The following SEMA4B variants were observed in gnomAD, a reference collection of about 807,000 sequenced individuals.
SEMA4B encodes semaphorin-4B.
A neutral mutation model predicts 88.1 loss-of-function variants in SEMA4B; 55 were observed. The ratio of observed to expected loss-of-function variants is 0.62; its 90% CI spans 0.50 to 0.78. The LOEUF (loss-of-function observed/expected upper bound fraction) is 0.78, where lower values mean the gene tolerates loss of function less well. Among genes scored for constraint, SEMA4B ranks in the 30% least tolerant of loss-of-function variants. The pLI is 0.00. For synonymous variants in SEMA4B, 525 were observed against 473.6 expected, an observed-to-expected ratio of 1.11 and a Z score of -1.41; for missense variants, 1,062 against 1,111.9, an observed-to-expected ratio of 0.96 and a Z score of 0.64.
chr15:90,196,520 G>A (rs1208677615), upstream of SEMA4B, among the ~76,000 whole-genome samples: 4 of 151,422 alleles, frequency 2.6e-5, no homozygotes, highest in Admixed American at 6.6e-5. Context: ...ACAGAGTCTC[G>A]CTGTCGGTCA....
At chr15:90,198,907 GC>G (rs1156659677), upstream of SEMA4B, among the ~76,000 whole-genome samples, 1 of 152,156 alleles carries the variant, frequency 6.6e-6, no homozygotes, top group Non-Finnish European at 1.5e-5. Flanking sequence ...TTGCTCTGTA[GC>G]CCAGGCTGGA....
At chr15:90,191,317 A>G (rs946122782) in intron 1 of SEMA4B, among the ~76,000 whole-genome samples, 1 of 152,234 alleles carries the variant, frequency 6.6e-6, no homozygotes, top group Admixed American at 6.5e-5. Context: ...CCAGCTTTGC[A>G]GGAGGTGGCT....
chr15:90,206,345 T>C (rs1960988095), intron 1 of SEMA4B, among the ~76,000 whole-genome samples: 1 of 152,160 alleles, frequency 6.6e-6, no homozygotes, highest in South Asian at 2.1e-4. Context: ...TTTTGGGAAG[T>C]CTGCTCCCTT....
chr15:90,225,177 T>C lies in SEMA4B; in HGVS notation c.1404T>C (p.Thr468=), dbSNP rs764805506. 1 of 1,595,638 alleles carries C rather than the reference T, an allele frequency of 6.3e-7. No homozygotes were observed. Among genetic ancestry groups the C allele is most frequent in the Non-Finnish European group, 8.5e-7 (1 of 1,171,024 alleles). The change falls in exon 10 of 14, where the codon ACT becomes ACC. Residue 468 remains threonine (T), a splice_region_variant and synonymous_variant. Coordinates refer to ENST00000411539, the MANE Select transcript of SEMA4B (RefSeq NM_198925.4). ...HHTYDVLFLG[T]GDGRLHKAVS... is the part of the protein sequence containing the mutation. Reference sequence around the variant, plus strand: ...CCTACGATGTCCTCTTCCTGGGCACTGGTAAGTGTCTGCAGCCCAGCAGGC... The same window carrying C: ...CCTACGATGTCCTCTTCCTGGGCACCGGTAAGTGTCTGCAGCCCAGCAGGC...
At position 90,201,355 on chromosome 15, in the gene SEMA4B, C is replaced by A; in HGVS notation, c.-224C>A. On this transcript the variant is annotated 5_prime_UTR_variant, in exon 1 of 14. Coordinates refer to ENST00000411539, the MANE Select transcript of SEMA4B (RefSeq NM_198925.4). ...GCTTGCGGGTGAGCTCTGCCCAAGC[C>A]GAGGCTGCGGGGCCGGCGCCGGCGG... 8.0e-7 allele frequency: 1 copy of A among 1,243,316 alleles called. No homozygotes were observed. The highest frequency in any genetic ancestry group is 3.4e-5 in the East Asian group (1 of 29,374). 77.0% of individuals were successfully genotyped at this position (1,243,316 alleles called of 1,614,324 possible).
Position 90,228,716 on chromosome 15 carries a change from C to G in SEMA4B, c.*73C>G, listed in dbSNP as rs1962340842. 8.2e-6 allele frequency: 13 copies of G among 1,578,336 alleles called. No homozygotes were observed. The highest frequency in any genetic ancestry group is 1.1e-5 in the Non-Finnish European group (13 of 1,158,320). On this transcript the variant is annotated 3_prime_UTR_variant, in exon 14 of 14. Coordinates refer to ENST00000411539, the MANE Select transcript of SEMA4B (RefSeq NM_198925.4). The stretch of plus-strand genomic sequence containing the variant: ...CTCGGAGAGGGTCAACTGGACCTCC[C>G]CTCCGCTCTGCTCTTCGTGGAACAC...
chr15:90,199,339 C>T (rs986355790), upstream of SEMA4B, among the ~76,000 whole-genome samples: 2 of 152,076 alleles, frequency 1.3e-5, no homozygotes, highest in African/African-American at 4.8e-5. Flanking sequence ...TATAGATTTT[C>T]TAATGGACTG....
upstream of SEMA4B, among the ~76,000 whole-genome samples, chr15:90,198,606 G>A (rs1488049617): frequency 6.6e-6 from 1 of 152,202 alleles, no homozygotes; most frequent in African/African-American, 2.4e-5. Flanking sequence ...GCAAAAGGAA[G>A]CAAGGGACTC....
chr15:90,221,591 A>AGC (rs1344731268), intron 6 of SEMA4B, 23 bp from the exon 7 acceptor site: 1 of 1,612,934 alleles, frequency 6.2e-7, no homozygotes, highest in African/African-American at 1.3e-5. Context: ...GCTGACTCTG[A>AGC]GCTCCTGACC....
intron 1 of SEMA4B, among the ~76,000 whole-genome samples, chr15:90,191,485 C>G (rs151117313): frequency 1.3e-5 from 2 of 152,166 alleles, no homozygotes; most frequent in Non-Finnish European, 2.9e-5. Flanking sequence ...CAGTGTTGCC[C>G]GTGGCTTTAT....
chr15:90,197,906 ATT>A (rs1960566055), upstream of SEMA4B, among the ~76,000 whole-genome samples: 1 of 147,304 alleles, frequency 6.8e-6, no homozygotes. Context: ...AGATTTATTT[ATT>A]TTATTATTAA....
rs774124039 is a variant in SEMA4B, at chr15:90,225,147, C to G, written c.1374C>G (p.His458Gln). The G allele has an allele frequency of 6.2e-7, 1 of 1,611,648 alleles. No homozygotes were observed. Among genetic ancestry groups the G allele is most frequent in the African/African-American group, 1.3e-5 (1 of 75,014 alleles). Reference sequence around the variant, plus strand: ...CTGTACACCGCGTCCCTGGCCTGCACCACACCTACGATGTCCTCTTCCTGG... The same window carrying G: ...CTGTACACCGCGTCCCTGGCCTGCAGCACACCTACGATGTCCTCTTCCTGG... Reference protein sequence around the residue: ...RVAVHRVPGLHHTYDVLFLGT... With the variant: ...RVAVHRVPGLQHTYDVLFLGT... Residue 458 changes from histidine to glutamine, a missense_variant, in exon 10 of 14, where the codon CAC (histidine) becomes CAG (glutamine). By Grantham distance (24) the His-to-Gln change is conservative. Coordinates refer to ENST00000411539, the MANE Select transcript of SEMA4B (RefSeq NM_198925.4).
chr15:90,205,750 C>T (rs2151598783), intron 1 of SEMA4B, among the ~76,000 whole-genome samples: 1 of 152,350 alleles, frequency 6.6e-6, no homozygotes, highest in South Asian at 2.1e-4. Context: ...TATGCAGGCC[C>T]TCTGCTAGGT....
In SEMA4B at chr15:90,228,638, G is replaced by A. The variant is rs376280406; in HGVS notation, c.2509G>A (p.Val837Met). The change falls in exon 14 of 14, where the codon GTG becomes ATG. Residue 837 changes from valine (V) to methionine (M), a missense_variant. By Grantham distance (21) the Val-to-Met change is conservative. Coordinates refer to ENST00000411539, the MANE Select transcript of SEMA4B (RefSeq NM_198925.4). ...RLGSEIRDSV[V>M] Reference sequence around the variant, plus strand: ...TGGCTCGGAGATCCGTGACTCTGTGGTGTGAGAGCTGACTTCCAGAGGACG... The same window carrying A: ...TGGCTCGGAGATCCGTGACTCTGTGATGTGAGAGCTGACTTCCAGAGGACG... 1 of 1,613,092 alleles carries A rather than the reference G, an allele frequency of 6.2e-7. No homozygotes were observed.
intron 5 of SEMA4B, 88 bp from the exon 6 acceptor site, chr15:90,221,279 C>A: frequency 7.9e-7 from 1 of 1,259,878 alleles, no homozygotes; most frequent in Non-Finnish European, 1.1e-6. Flanking sequence ...ACAGGCAAAA[C>A]GGGCAGTGCT....
rs1270729563 is a variant in SEMA4B, at chr15:90,228,870, G to T, written c.*227G>T. ...CCAGAGGTCCTGGCCAAATATGGGG[G>T]CCTGCCTAGGTTGGTGGAACAGTGC... On this transcript the variant is annotated 3_prime_UTR_variant, in exon 14 of 14. Transcript: ENST00000411539. The T allele has an allele frequency of 1.7e-6, 1 of 602,702 alleles. No homozygotes were observed. Among genetic ancestry groups the T allele is most frequent in the Non-Finnish European group, 2.9e-6 (1 of 343,122 alleles). The allele number at this position is 602,702 out of a possible 1,614,324, so 37.3% of individuals were successfully genotyped here. A position where few individuals can be genotyped will look rare whatever the true frequency, so the allele number is the denominator to read the frequency against.
At chr15:90,192,348 G>A (rs540823748) in intron 1 of SEMA4B, among the ~76,000 whole-genome samples, 7 of 152,324 alleles carry the variant, frequency 4.6e-5, no homozygotes, top group Admixed American at 3.3e-4. Context: ...GCCAGGAGCC[G>A]CCTGGCAGGG....
In SEMA4B at chr15:90,201,701, C is replaced by G. The variant is rs1960746710; in HGVS notation, c.123C>G (p.Thr41=). 6.7e-7 allele frequency: 1 copy of G among 1,501,660 alleles called. No individual in the cohort carries two copies. The highest frequency in any genetic ancestry group is 8.8e-7 in the Non-Finnish European group (1 of 1,131,254). 93.0% of individuals were successfully genotyped at this position (1,501,660 alleles called of 1,614,324 possible). The change falls in exon 1 of 14, where the codon ACC becomes ACG. Residue 41 remains threonine, a synonymous_variant. Transcript: ENST00000411539. ...LLLLLQPPPP[T]WALSPRISLP... is the part of the protein sequence containing the mutation. ...TCCTGCTGCAGCCGCCGCCTCCGAC[C>G]TGGGCGCTCAGCCCCCGGATCAGCC...
At chr15:90,210,432 A>G (rs1961209039) in intron 1 of SEMA4B, among the ~76,000 whole-genome samples, 1 of 152,218 alleles carries the variant, frequency 6.6e-6, no homozygotes, top group African/African-American at 2.4e-5. Context: ...CCAGGAGCAG[A>G]CAGACCTAGA....
Sources: gnomAD v4.1 joint callset for allele counts (sites outside exome capture counted in the v4.1 genomes callset) on GRCh38, gnomAD v4.1.1 for gene constraint, MANE v1.5 for transcripts, NCBI Gene and HGNC (gene_info 2026-07-23, HGNC 2026-07-21) for gene names.